HSP90AA1: variants seen among roughly 807,000 people sequenced by gnomAD.
HSP90AA1 encodes the protein heat shock protein 90 alpha family class A member 1.
HSP90AA1 carries 18 observed loss-of-function variants against 73.3 expected under a neutral mutation model. The ratio of observed to expected loss-of-function variants is 0.25; its 90% CI spans 0.17 to 0.36. The LOEUF (loss-of-function observed/expected upper bound fraction) is 0.36, where lower values mean the gene tolerates loss of function less well. Among genes scored for constraint, HSP90AA1 ranks in the 10% least tolerant of loss-of-function variants. HSP90AA1 has a pLI of 1.00. For missense variants in HSP90AA1, 704 were observed against 874.2 expected, an observed-to-expected ratio of 0.81 and a Z score of 2.45; for synonymous variants, 477 against 296.9, an observed-to-expected ratio of 1.61 and a Z score of -6.24.
At chr14:102,134,830 G>A (rs190866441) in intron 1 of HSP90AA1, among the ~76,000 whole-genome samples, 3 of 152,304 alleles carry the variant, frequency 2.0e-5, no homozygotes, top group Admixed American at 6.5e-5. Context: ...GTGAACCCGA[G>A]CGGGTTGCCA....
At chr14:102,106,164 C>T (rs1255398676) in intron 1 of HSP90AA1, among the ~76,000 whole-genome samples, 1 of 152,116 alleles carries the variant, frequency 6.6e-6, no homozygotes, top group Admixed American at 6.6e-5. Context: ...TTTACGTTTA[C>T]ATTGTGTATT....
At chr14:102,094,468 T>G (rs1228342109) in intron 2 of HSP90AA1, among the ~76,000 whole-genome samples, 1 of 152,056 alleles carries the variant, frequency 6.6e-6, no homozygotes, top group East Asian at 1.9e-4. Flanking sequence ...TGAAGAGTGC[T>G]AGGATGGTGA....
intron 1 of HSP90AA1, among the ~76,000 whole-genome samples, chr14:102,131,394 C>G (rs2049905153): frequency 6.6e-6 from 1 of 152,192 alleles, no homozygotes; most frequent in Non-Finnish European, 1.5e-5. Context: ...CCTCTGGCAC[C>G]TGTGGCCTGG....
rs2152611368 is a variant in HSP90AA1 at position 102,084,577 on chromosome 14, A to T, written c.982-13T>A. ...CAACTGAAAAATGCTGTAATAAAAC[A>T]GATACACTAAGTACCAATGAACAAT... On this transcript the variant is annotated splice_polypyrimidine_tract_variant and intron_variant, in intron 5 of 10. Transcript: ENST00000216281. The T allele has an allele frequency of 6.2e-7, 1 of 1,614,218 alleles. No individual in the cohort carries two copies. The highest frequency in any genetic ancestry group is 1.3e-5 in the African/African-American group (1 of 75,064).
At chr14:102,131,857 G>A (rs2049910453) in intron 1 of HSP90AA1, among the ~76,000 whole-genome samples, 1 of 152,150 alleles carries the variant, frequency 6.6e-6, no homozygotes, top group African/African-American at 2.4e-5. Context: ...CTCCCTGTAA[G>A]AATATGGAAT....
intron 1 of HSP90AA1, among the ~76,000 whole-genome samples, chr14:102,129,542 G>A (rs1223608752): frequency 7.2e-6 from 1 of 139,652 alleles, no homozygotes; most frequent in Non-Finnish European, 1.5e-5. Context: ...TTGCTGTGTC[G>A]CCCAGCCTAA....
At chr14:102,094,201 C>G (rs2049395229) in intron 2 of HSP90AA1, among the ~76,000 whole-genome samples, 1 of 152,216 alleles carries the variant, frequency 6.6e-6, no homozygotes, top group Admixed American at 6.5e-5. Context: ...CGCCGGGAAG[C>G]CGGCAAACTC....
At chr14:102,098,778 C>G (rs891996481) in intron 2 of HSP90AA1, among the ~76,000 whole-genome samples, 1 of 152,186 alleles carries the variant, frequency 6.6e-6, no homozygotes, top group African/African-American at 2.4e-5. Context: ...TCACTGTAAC[C>G]TCCGCCTCCG....
rs1419147303 is a variant in HSP90AA1, at chr14:102,083,946, A to G, written c.1185T>C (p.Pro395=). The G allele has an allele frequency of 6.2e-7, 1 of 1,614,144 alleles. No individual in the cohort carries two copies. The highest frequency in any genetic ancestry group is 1.7e-5 in the Admixed American group (1 of 60,026). ...IRGVVDSEDL[P]LNISREMLQQ... is the part of the protein sequence containing the mutation. Reference sequence around the variant, plus strand: ...GCAACATCTCACGGGATATGTTTAGAGGGAGATCCTCCGAGTCTACCACCC... The same window carrying G: ...GCAACATCTCACGGGATATGTTTAGGGGGAGATCCTCCGAGTCTACCACCC... The change falls in exon 7 of 11, where the codon CCT becomes CCC. Residue 395 remains proline (P), a synonymous_variant. Coordinates refer to ENST00000216281, the MANE Select transcript of HSP90AA1 (RefSeq NM_005348.4).
intron 1 of HSP90AA1, among the ~76,000 whole-genome samples, chr14:102,110,605 A>C (rs1450412610): frequency 7.0e-6 from 1 of 142,936 alleles, no homozygotes; most frequent in African/African-American, 2.6e-5. Context: ...TTTTTGAGAC[A>C]GTCTTGCTCT....
At position 102,118,511 on chromosome 14, in the gene HSP90AA1, G is replaced by A. The variant is rs577964949; in HGVS notation, c.156-16426C>T. On this transcript the variant is annotated intron_variant, in intron 1 of 11. Transcript: ENST00000334701. ...CCACCTCAGCCTCCCAAAGTGCAGG[G>A]ATTATAGGTGTGAGCCACCATGCCC... Among the ~76,000 whole-genome samples, 12 of 151,984 alleles carry A rather than the reference G, an allele frequency of 7.9e-5. No homozygotes were observed. In the South Asian group the frequency reaches 2.3e-3, roughly 29 times the overall value.
At chr14:102,103,839 CA>C (rs1403127150) in intron 1 of HSP90AA1, among the ~76,000 whole-genome samples, 1 of 150,398 alleles carries the variant, frequency 6.6e-6, no homozygotes, top group South Asian at 2.1e-4. Context: ...CCCATCTCTA[CA>C]AAAAAATATA....
At chr14:102,084,109 G>T in intron 6 of HSP90AA1, 126 bp from the exon 7 acceptor site, 1 of 842,648 alleles carries the variant, frequency 1.2e-6, no homozygotes, top group Non-Finnish European at 2.0e-6. Flanking sequence ...TCACTCTGTT[G>T]CCCAGGCTGG....
chr14:102,090,153 C>T (rs1212042074), upstream of HSP90AA1, among the ~76,000 whole-genome samples: 4 of 152,202 alleles, frequency 2.6e-5, no homozygotes, highest in East Asian at 5.8e-4. Flanking sequence ...CCCCATGACT[C>T]GCCCCCACGA....
intron 1 of HSP90AA1, among the ~76,000 whole-genome samples, chr14:102,129,321 T>A (rs903919330): frequency 6.6e-6 from 1 of 150,976 alleles, no homozygotes; most frequent in African/African-American, 2.4e-5. Flanking sequence ...TAGGTTTGAT[T>A]TTTTTTAACT....
intron 1 of HSP90AA1, among the ~76,000 whole-genome samples, chr14:102,118,710 G>A (rs2049738292): frequency 6.6e-6 from 1 of 151,812 alleles, no homozygotes; most frequent in Admixed American, 6.6e-5. Flanking sequence ...TTTGTTTCTG[G>A]ATTTCTCATT....
At position 102,084,307 on chromosome 14, in the gene HSP90AA1, A is replaced by G. The variant is rs933297877; in HGVS notation, c.1147+92T>C. ...GTGATCTGCCCACCCCGGCCTCCCA[A>G]AGTGCTAGGATTATAGGTGTGAGCC... On this transcript the variant is annotated intron_variant, in intron 6 of 10. Transcript: ENST00000216281. 4.0e-6 allele frequency: 5 copies of G among 1,240,922 alleles called. No individual in the cohort carries two copies. The African/African-American group carries it at 5.9e-5, about 15-fold the overall frequency. The allele number at this position is 1,240,922 out of a possible 1,614,324, so 76.9% of individuals were successfully genotyped here.
chr14:102,139,385 C>T, exon 1 of HSP90AA1: 2 of 1,583,734 alleles, frequency 1.3e-6, no homozygotes, highest in Non-Finnish European at 1.7e-6. Flanking sequence ...GGAGCCGTCC[C>T]CGCCCGAACA....
intron 1 of HSP90AA1, among the ~76,000 whole-genome samples, chr14:102,134,851 G>C (rs777245845): frequency 3.9e-5 from 6 of 152,124 alleles, no homozygotes; most frequent in East Asian, 1.9e-4. Context: ...ATGCTAGCTC[G>C]GGCAGCCTGC....
Sources: gnomAD v4.1 joint callset for allele counts (sites outside exome capture counted in the v4.1 genomes callset) on GRCh38, gnomAD v4.1.1 for gene constraint, MANE v1.5 for transcripts, NCBI Gene and HGNC (gene_info 2026-07-23, HGNC 2026-07-21) for gene names.